The following SCMH1 variants were observed in gnomAD, a reference collection of about 807,000 sequenced individuals.
SCMH1 encodes the protein Scm polycomb group protein homolog 1, also known as polycomb protein SCMH1.
Under a neutral mutation model 70.8 loss-of-function variants are expected in SCMH1, and 37 were observed. That is an observed-to-expected ratio of 0.52 (90% CI 0.40 to 0.69). The LOEUF is 0.69. Ranked by LOEUF, SCMH1 falls within the 30% of genes least tolerant of loss-of-function variation. SCMH1 has a pLI of 0.00. For synonymous variants in SCMH1, 292 were observed against 307.4 expected (o/e 0.95, Z 0.52); for missense variants, 607 against 827.3 (o/e 0.73, Z 3.27).
intron 1 of SCMH1, among the ~76,000 whole-genome samples, chr1:41,223,533 T>G (rs572750619): frequency 6.6e-6 from 1 of 151,832 alleles, no homozygotes; most frequent in East Asian, 1.9e-4. Flanking sequence ...TTAAGGAAAA[T>G]TATCCCTCAA....
At chr1:41,228,897 C>A (rs921537097) in intron 1 of SCMH1, among the ~76,000 whole-genome samples, 1 of 152,164 alleles carries the variant, frequency 6.6e-6, no homozygotes, top group Non-Finnish European at 1.5e-5. Context: ...TGCAGTAATT[C>A]AGAAGAGAGA....
intron 1 of SCMH1, among the ~76,000 whole-genome samples, chr1:41,236,034 T>C (rs965571374): frequency 6.6e-6 from 1 of 152,228 alleles, no homozygotes; most frequent in African/African-American, 2.4e-5. Flanking sequence ...GCTGTAGCAG[T>C]GTTGCATGAA....
chr1:41,061,330 C>T (rs75563191), intron 10 of SCMH1, among the ~76,000 whole-genome samples: 2,028 of 152,072 alleles, frequency 0.013, 47 homozygotes, highest in African/African-American at 0.046. Context: ...ATGTTGTCTA[C>T]CAGAAACCTA....
chr1:41,200,370 C>T (rs181620888), intron 1 of SCMH1, among the ~76,000 whole-genome samples: 54 of 152,108 alleles, frequency 3.6e-4, no homozygotes, highest in African/African-American at 1.0e-3. Context: ...GTCCCAGCTA[C>T]GCAGGAGGCT....
chr1:41,055,913 T>C (rs1650093065), intron 10 of SCMH1, among the ~76,000 whole-genome samples: 1 of 152,204 alleles, frequency 6.6e-6, no homozygotes, highest in Non-Finnish European at 1.5e-5. Context: ...AGGATGAGAC[T>C]TCTGATGGGG....
chr1:41,237,999 T>C (rs1662739690), intron 1 of SCMH1, among the ~76,000 whole-genome samples: 1 of 152,226 alleles, frequency 6.6e-6, no homozygotes, highest in Non-Finnish European at 1.5e-5. Context: ...TATGTGTGTA[T>C]ATATTTTTTC....
chr1:41,235,435 G>C (rs1662169307), intron 1 of SCMH1, among the ~76,000 whole-genome samples: 1 of 151,734 alleles, frequency 6.6e-6, no homozygotes, highest in Non-Finnish European at 1.5e-5. Context: ...GCCAGGCGTG[G>C]TGGTGCATGT....
At chr1:41,233,870 A>G (rs974515865) in intron 1 of SCMH1, among the ~76,000 whole-genome samples, 16 of 152,208 alleles carry the variant, frequency 1.1e-4, no homozygotes, top group African/African-American at 3.4e-4. Context: ...CAGACTGTAG[A>G]TCCAGACTGC....
intron 1 of SCMH1, among the ~76,000 whole-genome samples, chr1:41,238,731 C>T (rs1234968954): frequency 5.3e-5 from 8 of 152,218 alleles, no homozygotes; most frequent in Admixed American, 3.9e-4. Flanking sequence ...ACAGAGACCT[C>T]GCTGTCACCT....
chr1:41,235,966 T>C (rs984947664), intron 1 of SCMH1, among the ~76,000 whole-genome samples: 2 of 152,232 alleles, frequency 1.3e-5, no homozygotes, highest in Non-Finnish European at 2.9e-5. Context: ...ATTAAGTAAA[T>C]ATACCACAAT....
At chr1:41,220,037 ACTT>A (rs1658932633) in intron 1 of SCMH1, among the ~76,000 whole-genome samples, 2 of 152,246 alleles carry the variant, frequency 1.3e-5, no homozygotes, top group Non-Finnish European at 1.5e-5. Flanking sequence ...ATCAACATAA[ACTT>A]CTTCTCATCT....
At chr1:41,172,404 A>G (rs941890040) in intron 2 of SCMH1, among the ~76,000 whole-genome samples, 1 of 152,134 alleles carries the variant, frequency 6.6e-6, no homozygotes, top group Non-Finnish European at 1.5e-5. Flanking sequence ...TACAAGGGAA[A>G]TTACAGAACA....
At chr1:41,201,759 G>T (rs1654402573) in intron 1 of SCMH1, among the ~76,000 whole-genome samples, 1 of 152,110 alleles carries the variant, frequency 6.6e-6, no homozygotes, top group Admixed American at 6.5e-5. Flanking sequence ...TCTTTGAAAG[G>T]TAATAGGTAT....
chr1:41,161,324 T>A (rs1646011050), intron 3 of SCMH1, 40 bp downstream of exon 3: 1 of 1,546,726 alleles, frequency 6.5e-7, no homozygotes, highest in Non-Finnish European at 8.7e-7. Flanking sequence ...AGATGCCGAG[T>A]AAAATTTTTC....
chr1:41,060,314 A>T lies in SCMH1; in HGVS notation c.1105+10281T>A, dbSNP rs527251397. Among the ~76,000 whole-genome samples, 22 of 152,258 alleles carry T rather than the reference A, an allele frequency of 1.4e-4. No individual in the cohort carries two copies. In the South Asian group the frequency reaches 4.3e-3, roughly 30 times the overall value. ...AACAGAGGAAAAAATTGTCTTACCT[A>T]TAGAGGGGCAAAGACAAGAATTATA... On this transcript the variant is annotated intron_variant, in intron 10 of 14. Coordinates refer to ENST00000337495, the Ensembl canonical transcript of SCMH1.
intron 1 of SCMH1, among the ~76,000 whole-genome samples, chr1:41,209,565 T>C (rs1175936888): frequency 1.3e-5 from 2 of 152,222 alleles, no homozygotes; most frequent in Admixed American, 6.5e-5. Flanking sequence ...GTTCAACATA[T>C]GCAAATCAAT....
intron 1 of SCMH1, among the ~76,000 whole-genome samples, chr1:41,211,128 A>C (rs1182552778): frequency 1.3e-5 from 2 of 152,180 alleles, no homozygotes; most frequent in Non-Finnish European, 2.9e-5. Context: ...TGAGTAAAAC[A>C]CCAAAAGCAA....
intron 6 of SCMH1, among the ~76,000 whole-genome samples, chr1:41,140,698 A>G (rs1281383448): frequency 2.0e-5 from 3 of 152,170 alleles, no homozygotes; most frequent in Non-Finnish European, 4.4e-5. Context: ...ATGGTCTCTA[A>G]ATACCATTTC....
At chr1:41,226,092 G>C (rs144555355) in intron 1 of SCMH1, among the ~76,000 whole-genome samples, 6 of 152,212 alleles carry the variant, frequency 3.9e-5, no homozygotes, top group Non-Finnish European at 7.4e-5. Context: ...AAAAAGTACA[G>C]AATTTACAGT....
Sources: gnomAD v4.1 joint callset for allele counts (sites outside exome capture counted in the v4.1 genomes callset) on GRCh38, gnomAD v4.1.1 for gene constraint, MANE v1.5 for transcripts, NCBI Gene and HGNC (gene_info 2026-07-23, HGNC 2026-07-21) for gene names.